TAFA2: variants seen among roughly 807,000 people sequenced by gnomAD.
TAFA2 encodes TAFA chemokine like family member 2, also known as chemokine-like protein TAFA-2.
A neutral mutation model predicts 18.8 loss-of-function variants in TAFA2; 7 were observed. The ratio of observed to expected loss-of-function variants is 0.37; its 90% CI spans 0.21 to 0.70. The LOEUF is 0.70. Among genes scored for constraint, TAFA2 ranks in the 30% least tolerant of loss-of-function variants. The probability of loss-of-function intolerance (pLI) is 0.53; values close to 1 mark genes in which losing one functional copy is unlikely to be tolerated. For missense variants in TAFA2, 122 were observed against 158.1 expected, an observed-to-expected ratio of 0.77 and a Z score of 1.23; for synonymous variants, 60 against 54.2, an observed-to-expected ratio of 1.11 and a Z score of -0.47.
intron 2 of TAFA2, among the ~76,000 whole-genome samples, chr12:61,857,668 AC>A (rs1873939799): frequency 6.6e-6 from 1 of 152,126 alleles, no homozygotes; most frequent in Non-Finnish European, 1.5e-5. Context: ...CTTTTTCAAA[AC>A]GATTCTGAAG....
intron 1 of TAFA2, among the ~76,000 whole-genome samples, chr12:62,169,809 CCACTA>C (rs1287450087): frequency 2.7e-5 from 4 of 147,152 alleles, no homozygotes; most frequent in Non-Finnish European, 5.9e-5. Context: ...TGAGATCACG[CCACTA>C]CACTCCAGAC....
rs190482590 is a variant in TAFA2, at chr12:61,960,721, T to C, written c.-1-93295A>G. ...ATGATTCAATAAATCATACTACCAT[T>C]TTTATCATCCTTGTGTCTGTTTTTT... is the stretch of plus-strand genomic sequence containing the variant. On this transcript the variant is annotated intron_variant, in intron 1 of 4. Coordinates refer to ENST00000416284, the MANE Select transcript of TAFA2 (RefSeq NM_178539.5). Among the ~76,000 whole-genome samples the C allele has an allele frequency of 2.9e-3, 438 of 151,956 alleles. 4 individuals are homozygous for C. Among genetic ancestry groups the C allele is most frequent in the African/African-American group, 9.7e-3 (403 of 41,474 alleles).
At chr12:61,755,169 T>G in intron 2 of TAFA2, 145 bp from the exon 3 acceptor site, 1 of 665,166 alleles carries the variant, frequency 1.5e-6, no homozygotes, top group Non-Finnish European at 2.5e-6. Flanking sequence ...GCTAACTCCA[T>G]AATGCAGATT....
intron 1 of TAFA2, among the ~76,000 whole-genome samples, chr12:62,213,971 A>T (rs1402740400): frequency 6.6e-6 from 1 of 152,210 alleles, no homozygotes; most frequent in Non-Finnish European, 1.5e-5. Flanking sequence ...TATCGAATCA[A>T]GTTCCCAGTT....
intron 4 of TAFA2, among the ~76,000 whole-genome samples, chr12:61,731,377 C>T (rs1870442389): frequency 6.6e-6 from 1 of 152,094 alleles, no homozygotes; most frequent in Admixed American, 6.6e-5. Context: ...TTAGTCTCCA[C>T]ACGCTGTTCT....
chr12:62,031,822 T>C (rs1881467534), intron 1 of TAFA2, among the ~76,000 whole-genome samples: 1 of 152,188 alleles, frequency 6.6e-6, no homozygotes, highest in Non-Finnish European at 1.5e-5. Flanking sequence ...ATAATTTGAA[T>C]ATTTATGGTG....
At chr12:62,127,327 C>A (rs1259425667) in intron 1 of TAFA2, among the ~76,000 whole-genome samples, 4 of 152,014 alleles carry the variant, frequency 2.6e-5, no homozygotes, top group Non-Finnish European at 4.4e-5. Flanking sequence ...ATTCCCTACC[C>A]ACTCCTAAGT....
intron 1 of TAFA2, among the ~76,000 whole-genome samples, chr12:62,111,813 C>T (rs1565748156): frequency 6.6e-6 from 1 of 152,110 alleles, no homozygotes; most frequent in Non-Finnish European, 1.5e-5. Context: ...GCAACCCCTA[C>T]TTTTTCTTTT....
At chr12:62,177,535 C>A (rs916244708) in intron 1 of TAFA2, among the ~76,000 whole-genome samples, 15 of 152,226 alleles carry the variant, frequency 9.9e-5, no homozygotes, top group Non-Finnish European at 1.8e-4. Context: ...CAGCTGCTAA[C>A]AGTACACTAA....
chr12:62,220,320 T>A (rs1300914825), intron 1 of TAFA2, among the ~76,000 whole-genome samples: 5 of 151,914 alleles, frequency 3.3e-5, no homozygotes, highest in East Asian at 1.9e-4. Flanking sequence ...AGACAAAAAA[T>A]TTTTAAAAAT....
At chr12:61,756,015 T>C (rs2120767208) in intron 2 of TAFA2, among the ~76,000 whole-genome samples, 1 of 152,214 alleles carries the variant, frequency 6.6e-6, no homozygotes, top group Non-Finnish European at 1.5e-5. Context: ...AAGCAGGAGA[T>C]CTTAAGTTGT....
intron 1 of TAFA2, among the ~76,000 whole-genome samples, chr12:62,159,412 G>T (rs1454627913): frequency 6.6e-6 from 1 of 152,128 alleles, no homozygotes; most frequent in African/African-American, 2.4e-5. Flanking sequence ...AAATTCTTAA[G>T]TATCTTGTAA....
At chr12:61,755,899 T>C (rs1378596177) in intron 2 of TAFA2, among the ~76,000 whole-genome samples, 1 of 152,140 alleles carries the variant, frequency 6.6e-6, no homozygotes, top group Non-Finnish European at 1.5e-5. Flanking sequence ...ATAAAACTTT[T>C]GCCTGCTAAA....
intron 1 of TAFA2, among the ~76,000 whole-genome samples, chr12:62,249,282 A>AG (rs2062901175): frequency 7.5e-6 from 1 of 132,858 alleles, no homozygotes; most frequent in Admixed American, 7.4e-5. Flanking sequence ...TAAAAAAAAA[A>AG]AAAAAAAGGA....
Position 62,025,972 on chromosome 12 carries a change from C to A in TAFA2, c.-1-158546G>T, listed in dbSNP as rs1007751677. On this transcript the variant is annotated intron_variant, in intron 1 of 4. Transcript: ENST00000416284. ...TGGTAATACACACTAACATGGCAAACAACCAACCCTGTTCATTTTTTATAC... is the reference window on the plus strand; with the variant it reads ...TGGTAATACACACTAACATGGCAAAAAACCAACCCTGTTCATTTTTTATAC... 4.6e-5 allele frequency among the ~76,000 whole-genome samples: 7 copies of A among 152,158 alleles called. No individual in the cohort carries two copies. In the Middle Eastern group the frequency reaches 0.014, roughly 296 times the overall value.
chr12:62,003,800 T>C (rs1004954935), intron 1 of TAFA2, among the ~76,000 whole-genome samples: 1 of 152,238 alleles, frequency 6.6e-6, no homozygotes, highest in Non-Finnish European at 1.5e-5. Context: ...ACAATAAATA[T>C]GTTTACATAA....
intron 1 of TAFA2, among the ~76,000 whole-genome samples, chr12:62,036,445 C>G (rs1360285213): frequency 6.6e-6 from 1 of 152,164 alleles, no homozygotes; most frequent in East Asian, 1.9e-4. Flanking sequence ...CCAAAATGTT[C>G]TGAATTACCT....
At chr12:61,788,813 A>C (rs1019409787) in intron 2 of TAFA2, among the ~76,000 whole-genome samples, 1 of 151,856 alleles carries the variant, frequency 6.6e-6, no homozygotes, top group African/African-American at 2.4e-5. Flanking sequence ...TCCTGGACAC[A>C]CAAAACTATC....
chr12:62,038,193 T>C (rs770340823), intron 1 of TAFA2, among the ~76,000 whole-genome samples: 19 of 152,282 alleles, frequency 1.2e-4, no homozygotes, highest in Non-Finnish European at 1.9e-4. Context: ...CAGAGAATTA[T>C]AGTTAATAAT....
Sources: allele counts gnomAD v4.1 joint callset (sites outside exome capture counted in the v4.1 genomes callset), GRCh38; gene constraint gnomAD v4.1.1; transcripts MANE v1.5; gene names NCBI Gene and HGNC (gene_info 2026-07-23, HGNC 2026-07-21).